VAV2: variants seen among roughly 807,000 people sequenced by gnomAD.
The protein encoded by VAV2 is guanine nucleotide exchange factor VAV2.
VAV2 carries 67 observed loss-of-function variants against 132.5 expected under a neutral mutation model. The ratio of observed to expected loss-of-function variants is 0.51; its 90% CI spans 0.42 to 0.62. The LOEUF is 0.62. Among genes scored for constraint, VAV2 ranks in the 20% least tolerant of loss-of-function variants. The pLI, the probability that VAV2 is intolerant of heterozygous loss-of-function variation, is 0.00. For synonymous variants in VAV2, 492 were observed against 443.5 expected (o/e 1.11, Z -1.37); for missense variants, 938 against 1,153.6 (o/e 0.81, Z 2.71).
rs559287489 is a variant in VAV2 at position 133,794,659 on chromosome 9, G to A, written c.1101+1009C>T. Among the ~76,000 whole-genome samples the A allele has an allele frequency of 4.6e-5, 7 of 152,290 alleles. No individual in the cohort carries two copies. In the South Asian group the frequency reaches 1.0e-3, roughly 23 times the overall value. ...TGTCAGAGGGCAGGACTGCAGCCCT[G>A]AGGGGGGCTGGCAGAGGTGTCCTGT... On this transcript the variant is annotated intron_variant, in intron 12 of 29. Transcript: ENST00000371850. The surrounding 1 kb of genome is among the most constrained non-coding windows in gnomAD (Gnocchi z 4.6).
intron 2 of VAV2, among the ~76,000 whole-genome samples, chr9:133,937,965 A>C (rs374255808): frequency 9.3e-4 from 141 of 152,350 alleles, no homozygotes; most frequent in Middle Eastern, 6.8e-3. Flanking sequence ...GGGAAGCGCC[A>C]AGCCTGGTGG....
chr9:133,908,533 G>A (rs1839759496), intron 2 of VAV2, among the ~76,000 whole-genome samples: 1 of 151,018 alleles, frequency 6.6e-6, no homozygotes, highest in African/African-American at 2.4e-5. Context: ...CCCCAACCTG[G>A]TGTCCACCCC....
intron 6 of VAV2, among the ~76,000 whole-genome samples, chr9:133,809,368 G>A (rs1219968703): frequency 6.6e-6 from 1 of 152,148 alleles, no homozygotes; most frequent in African/African-American, 2.4e-5. Flanking sequence ...TGTGACGTGG[G>A]GACAGTGCCA....
chr9:133,941,403 G>A (rs182351961), intron 1 of VAV2, among the ~76,000 whole-genome samples: 412 of 110,518 alleles, frequency 3.7e-3, no homozygotes, highest in African/African-American at 9.5e-3. Context: ...GCGAGACTCC[G>A]TCTCAAAAAA....
intron 15 of VAV2, among the ~76,000 whole-genome samples, chr9:133,787,898 G>A (rs1369391941): frequency 1.3e-5 from 2 of 151,860 alleles, no homozygotes; most frequent in Non-Finnish European, 2.9e-5. Flanking sequence ...TAGAGTCTCG[G>A]ACAAGCCACA....
At chr9:133,767,194 GAC>G (rs1270173498) in intron 29 of VAV2, among the ~76,000 whole-genome samples, 1 of 152,152 alleles carries the variant, frequency 6.6e-6, no homozygotes, top group African/African-American at 2.4e-5. Flanking sequence ...AAGACTGTCA[GAC>G]CAGACTGGCT....
intron 20 of VAV2, chr9:133,780,156 CCTT>C: frequency 1.7e-6 from 1 of 601,878 alleles, no homozygotes. Context: ...AGGTCTGTGC[CCTT>C]CTCTCTCCCA....
rs1239854908 is a variant in VAV2 at position 133,812,236 on chromosome 9, T to C, written c.450-20A>G. ...TGCTCGCTGCACAGGAGGAGGCGGG[T>C]TAGAGGGGAGGGGAGGCTCCCGCCA... On this transcript the variant is annotated intron_variant, in intron 4 of 29. Transcript: ENST00000371850. 6.2e-7 allele frequency: 1 copy of C among 1,611,328 alleles called. No individual in the cohort carries two copies. The highest frequency in any genetic ancestry group is 8.5e-7 in the Non-Finnish European group (1 of 1,178,578).
In VAV2 at chr9:133,788,487, C is replaced by T; in HGVS notation, c.1275-1G>A. 1 of 1,605,598 alleles carries T rather than the reference C, an allele frequency of 6.2e-7. No individual in the cohort carries two copies. The highest frequency in any genetic ancestry group is 8.5e-7 in the Non-Finnish European group (1 of 1,173,090). ...CACCTTGTCAAACAGGAACAAGTAC[C>T]TGGGCCAGGCAGCGCAGCGGGGGAT... On this transcript the variant is annotated splice_acceptor_variant, in intron 14 of 29. Transcript: ENST00000371850. LOFTEE classifies it high-confidence loss of function. This position sits in a 1 kb window ranked among gnomAD's most constrained non-coding sequence, Gnocchi z 5.3.
At chr9:133,931,222 G>A (rs937475755) in intron 2 of VAV2, among the ~76,000 whole-genome samples, 11 of 152,210 alleles carry the variant, frequency 7.2e-5, no homozygotes, top group Admixed American at 4.6e-4. Context: ...CTGAGTAAGG[G>A]CCTGCAGGAG....
intron 2 of VAV2, among the ~76,000 whole-genome samples, chr9:133,890,355 C>T (rs748675941): frequency 2.0e-5 from 3 of 152,214 alleles, no homozygotes; most frequent in Non-Finnish European, 4.4e-5. Context: ...CAGGAGGAAT[C>T]GTGGCTGTGA....
chr9:133,964,026 T>TATATATAC (rs1554818977), intron 1 of VAV2, among the ~76,000 whole-genome samples: 9 of 76,614 alleles, frequency 1.2e-4, no homozygotes, highest in Non-Finnish European at 2.4e-4. Context: ...TTCATTCATA[T>TATATATAC]ATATATATAT....
chr9:133,949,931 A>G (rs910241450), intron 1 of VAV2, among the ~76,000 whole-genome samples: 1 of 152,220 alleles, frequency 6.6e-6, no homozygotes, highest in Admixed American at 6.5e-5. Context: ...GCTCCTGTGC[A>G]GCCTGATTTC....
chr9:133,966,030 G>A (rs1320464771), intron 1 of VAV2, among the ~76,000 whole-genome samples: 2 of 152,124 alleles, frequency 1.3e-5, no homozygotes, highest in African/African-American at 4.8e-5. Flanking sequence ...ACATTCAGTG[G>A]GGAAAGAACA....
chr9:133,779,184 G>A (rs760240102), intron 21 of VAV2, among the ~76,000 whole-genome samples: 20 of 152,388 alleles, frequency 1.3e-4, no homozygotes, highest in Non-Finnish European at 2.4e-4. Flanking sequence ...ACAGGCAGCT[G>A]TGCGGGGCAG....
chr9:133,872,633 A>G (rs1450463239), intron 2 of VAV2, among the ~76,000 whole-genome samples: 11 of 148,126 alleles, frequency 7.4e-5, no homozygotes, highest in Admixed American at 7.4e-4. Context: ...GCACCTTGGG[A>G]CCCGGGGAGA....
At chr9:133,933,435 TGGTGGATGGATGGATGAATGGATG>T (rs1176458312) in intron 2 of VAV2, among the ~76,000 whole-genome samples, 1 of 151,866 alleles carries the variant, frequency 6.6e-6, no homozygotes, top group African/African-American at 2.4e-5. Flanking sequence ...GGTGGATGAA[TGGTGGATGGATGGATGAATGGATG>T]GGTGGATGGA....
intron 2 of VAV2, among the ~76,000 whole-genome samples, chr9:133,915,739 C>T (rs1049783473): frequency 1.3e-5 from 2 of 151,444 alleles, no homozygotes; most frequent in African/African-American, 4.9e-5. Context: ...ACACAACGCA[C>T]ACATACACAC....
At chr9:133,800,196 TGAC>T (rs1482893959) in intron 9 of VAV2, among the ~76,000 whole-genome samples, 9 of 152,328 alleles carry the variant, frequency 5.9e-5, no homozygotes, top group African/African-American at 2.2e-4. Context: ...TATCTGATGA[TGAC>T]ACCAGACCAG....
Sources: gnomAD v4.1 joint callset for allele counts (sites outside exome capture counted in the v4.1 genomes callset) on GRCh38, gnomAD v4.1.1 for gene constraint, Gnocchi (gnomAD v3.1) non-coding constraint, MANE v1.5 for transcripts, NCBI Gene and HGNC (gene_info 2026-07-23, HGNC 2026-07-21) for gene names.